SHOC2: variants seen among roughly 807,000 people sequenced by gnomAD.
SHOC2 encodes SHOC2 leucine rich repeat scaffold protein, also known as leucine-rich repeat protein SHOC-2.
A neutral mutation model predicts 50.2 loss-of-function variants in SHOC2; 4 were observed. The ratio of observed to expected loss-of-function variants is 0.08; its 90% CI spans 0.04 to 0.18. The LOEUF (loss-of-function observed/expected upper bound fraction) is 0.18. Among genes scored for constraint, SHOC2 ranks in the 10% least tolerant of loss-of-function variants. The pLI is 1.00. For missense variants in SHOC2, 388 were observed against 669.6 expected (o/e 0.58, Z 4.64); for synonymous variants, 218 against 244.5 (o/e 0.89, Z 1.01).
chr10:110,989,739 G>T (rs1848146304), intron 3 of SHOC2, among the ~76,000 whole-genome samples: 1 of 152,024 alleles, frequency 6.6e-6, no homozygotes, highest in South Asian at 2.1e-4. Context: ...TATTTTTCAG[G>T]ATCATATTTT....
intron 1 of SHOC2, among the ~76,000 whole-genome samples, chr10:110,962,313 A>G (rs1404906277): frequency 6.6e-6 from 1 of 152,188 alleles, no homozygotes; most frequent in Non-Finnish European, 1.5e-5. Context: ...TTGATAAGCA[A>G]TGCCTGTAAC....
Position 110,927,768 on chromosome 10 carries a change from A to G in SHOC2, c.-235+8111A>G, listed in dbSNP as rs145600436. Among the ~76,000 whole-genome samples, 488 of 152,338 alleles carry G rather than the reference A, an allele frequency of 3.2e-3. 26 individuals carry two copies. The South Asian group carries it at 0.093, about 29-fold the overall frequency. ...GTGTCAGGCTTTGTGTTGGGCACCAAGCACCTTAAGATAGTCAGATATAAT... is the reference window on the plus strand; with the variant it reads ...GTGTCAGGCTTTGTGTTGGGCACCAGGCACCTTAAGATAGTCAGATATAAT... On this transcript the variant is annotated intron_variant, in intron 1 of 8. Coordinates refer to ENST00000369452, the MANE Select transcript of SHOC2 (RefSeq NM_007373.4).
At chr10:110,963,524 GCT>G (rs1291237439) in intron 1 of SHOC2, among the ~76,000 whole-genome samples, 2 of 151,916 alleles carry the variant, frequency 1.3e-5, no homozygotes, top group African/African-American at 4.8e-5. Context: ...TTGCCAGACT[GCT>G]CTCTCTTCTA....
At chr10:110,952,457 A>G (rs1017017007) in intron 1 of SHOC2, among the ~76,000 whole-genome samples, 16 of 152,180 alleles carry the variant, frequency 1.1e-4, no homozygotes, top group East Asian at 3.8e-4. Flanking sequence ...AACTATCACT[A>G]TAGTATCATA....
chr10:110,936,546 C>T, intron 1 of SHOC2: 1 of 631,096 alleles, frequency 1.6e-6, no homozygotes. Flanking sequence ...CTTGATTAGT[C>T]TGCATCAGCT....
chr10:110,936,706 G>T, intron 1 of SHOC2: 1 of 927,778 alleles, frequency 1.1e-6, no homozygotes. Flanking sequence ...GTTTCCGTAG[G>T]CTTATGAGCT....
intron 1 of SHOC2, among the ~76,000 whole-genome samples, chr10:110,932,216 GA>G (rs1846909444): frequency 6.6e-6 from 1 of 152,184 alleles, no homozygotes; most frequent in Non-Finnish European, 1.5e-5. Flanking sequence ...TGCAAGATGG[GA>G]AGTATTAGAG....
At chr10:110,982,651 CTTCTT>C (rs1312349092) in intron 2 of SHOC2, among the ~76,000 whole-genome samples, 3 of 151,792 alleles carry the variant, frequency 2.0e-5, no homozygotes, top group Non-Finnish European at 4.4e-5. Context: ...GCATAAATGT[CTTCTT>C]TTGAGAAGTG....
At chr10:110,990,745 G>A (rs1436109479) in intron 3 of SHOC2, among the ~76,000 whole-genome samples, 7 of 151,156 alleles carry the variant, frequency 4.6e-5, no homozygotes, top group African/African-American at 1.7e-4. Flanking sequence ...TCTTGCTACT[G>A]CTCAAAAAAA....
At chr10:110,937,091 T>A in intron 1 of SHOC2, 1 of 1,472,802 alleles carries the variant, frequency 6.8e-7, no homozygotes, top group Admixed American at 1.7e-5. Flanking sequence ...CTTGTTTCTG[T>A]AGAAATTGCC....
intron 1 of SHOC2, among the ~76,000 whole-genome samples, chr10:110,952,376 A>C (rs765196837): frequency 2.5e-4 from 38 of 152,166 alleles, no homozygotes; most frequent in Admixed American, 2.2e-3. Context: ...TATCACAGAA[A>C]GTGCATAGTT....
intron 6 of SHOC2, among the ~76,000 whole-genome samples, chr10:111,008,865 A>G (rs1260589971): frequency 6.6e-6 from 1 of 152,114 alleles, no homozygotes. Flanking sequence ...ACCACAGATA[A>G]TAAATAGAGT....
At chr10:110,937,254 A>C (rs1482743657) in intron 1 of SHOC2, 1 of 944,702 alleles carries the variant, frequency 1.1e-6, no homozygotes. Flanking sequence ...CCCTTGGGAA[A>C]GCTGCTTTTT....
At chr10:110,946,595 A>AACAAACAATG (rs1378332009) in intron 1 of SHOC2, among the ~76,000 whole-genome samples, 10 of 152,144 alleles carry the variant, frequency 6.6e-5, no homozygotes, top group Non-Finnish European at 1.3e-4. Context: ...TTGAGCAGGG[A>AACAAACAATG]ACAAACAATG....
chr10:110,964,304 C>G lies in SHOC2; in HGVS notation c.-55C>G. The G allele has an allele frequency of 6.3e-7, 1 of 1,584,688 alleles. No homozygotes were observed. The highest frequency in any genetic ancestry group is 8.6e-7 in the Non-Finnish European group (1 of 1,166,118). On this transcript the variant is annotated 5_prime_UTR_variant, in exon 2 of 9. Transcript: ENST00000369452. This position sits in a 1 kb window ranked among gnomAD's most constrained non-coding sequence, Gnocchi z 4.9. ...ATCTTTGTCTCTTCATCTTTGAATT[C>G]AATTACTGGAAAATAAAAGGAGTTC...
chr10:111,000,022 A>G (rs961800866), intron 3 of SHOC2, among the ~76,000 whole-genome samples: 8 of 152,220 alleles, frequency 5.3e-5, no homozygotes, highest in Non-Finnish European at 1.2e-4. Flanking sequence ...ACATACTTAT[A>G]TATAACCACT....
At chr10:110,948,204 A>T (rs1272808864) in intron 1 of SHOC2, among the ~76,000 whole-genome samples, 1 of 152,214 alleles carries the variant, frequency 6.6e-6, no homozygotes, top group Non-Finnish European at 1.5e-5. Context: ...ACTCAACATC[A>T]GAGCACCAAA....
chr10:110,940,510 G>A (rs1380797403), intron 1 of SHOC2, among the ~76,000 whole-genome samples: 1 of 152,098 alleles, frequency 6.6e-6, no homozygotes, highest in East Asian at 1.9e-4. Context: ...AGTATAATGT[G>A]ATTTTGCATG....
chr10:110,978,335 C>T (rs930027417), intron 2 of SHOC2, among the ~76,000 whole-genome samples: 10 of 152,172 alleles, frequency 6.6e-5, no homozygotes, highest in Non-Finnish European at 1.3e-4. Context: ...ACTGTAACTC[C>T]TGTGGATTCC....
Sources: allele counts gnomAD v4.1 joint callset (sites outside exome capture counted in the v4.1 genomes callset), GRCh38; gene constraint gnomAD v4.1.1; non-coding constraint Gnocchi (gnomAD v3.1); transcripts MANE v1.5; gene names NCBI Gene and HGNC (gene_info 2026-07-23, HGNC 2026-07-21).